The following LOXL2 variants were observed in gnomAD, a reference collection of about 807,000 sequenced individuals.
LOXL2 encodes lysyl oxidase like 2.
In LOXL2, 70 loss-of-function variants were observed where a neutral mutation model predicts 93.0. That is an observed-to-expected ratio of 0.75 (90% confidence interval 0.62 to 0.92). LOXL2 has a LOEUF of 0.92. Among genes scored for constraint, LOXL2 ranks in the 40% least tolerant of loss-of-function variants. The pLI is 0.00. For missense variants in LOXL2, 973 were observed against 1,054.9 expected (o/e 0.92, Z 1.08); for synonymous variants, 438 against 413.2 (o/e 1.06, Z -0.73).
At chr8:23,371,472 G>C (rs1585375479) in intron 1 of LOXL2, among the ~76,000 whole-genome samples, 2 of 152,122 alleles carry the variant, frequency 1.3e-5, no homozygotes, top group East Asian at 3.9e-4. Context: ...ATGGCAACTG[G>C]CTGGGTGCAG....
rs148370346 is a variant in LOXL2, at chr8:23,398,141, G to T, written c.-84+5813C>A. ...GTGGTATATCAGGACAAGCCTGGGG[G>T]CAAAAGAAGTTCATGGATCCAAGTT... is the stretch of plus-strand genomic sequence containing the variant. On this transcript the variant is annotated intron_variant, in intron 1 of 13. Coordinates refer to ENST00000389131, the MANE Select transcript of LOXL2 (RefSeq NM_002318.3). 2.8e-3 allele frequency among the ~76,000 whole-genome samples: 421 copies of T among 152,210 alleles called. 2 individuals are homozygous for T. The highest frequency in any genetic ancestry group is 9.3e-3 in the African/African-American group (388 of 41,532).
chr8:23,380,981 CCAAA>C (rs2117225897), intron 1 of LOXL2, among the ~76,000 whole-genome samples: 2 of 152,154 alleles, frequency 1.3e-5, no homozygotes, highest in East Asian at 3.9e-4. Context: ...ATACTGTACT[CCAAA>C]CAGAGAGAGA....
chr8:23,341,355 G>A (rs937585378), intron 3 of LOXL2, 152 bp from the exon 4 acceptor site: 13 of 661,724 alleles, frequency 2.0e-5, no homozygotes, highest in African/African-American at 1.1e-4. Context: ...GGGCAACCCC[G>A]AGGGGCACAC....
In LOXL2 at chr8:23,333,614, G is replaced by A; in HGVS notation, c.753C>T (p.Ala251=). The change falls in exon 5 of 14, where the codon GCC becomes GCT. Residue 251 remains alanine, a synonymous_variant. Transcript: ENST00000389131. ...TYNTKVYKMF[A]SRRKQRYWPF... ...GCCAGTAGCGCTGCTTCCTCCGTGA[G>A]GCAAACATTCTGCAGACGATGGGAG... is the stretch of plus-strand genomic sequence containing the variant. 1 of 1,612,782 alleles carries A rather than the reference G, an allele frequency of 6.2e-7. No homozygotes were observed.
intron 8 of LOXL2, among the ~76,000 whole-genome samples, 173 bp from the exon 9 acceptor site, chr8:23,317,287 G>A (rs893330013): frequency 2.6e-5 from 4 of 152,230 alleles, no homozygotes; most frequent in Admixed American, 6.5e-5. Context: ...GTGGCAGAGT[G>A]AGTGGGAATC....
At chr8:23,396,423 G>A (rs1430276873) in intron 1 of LOXL2, among the ~76,000 whole-genome samples, 2 of 152,234 alleles carry the variant, frequency 1.3e-5, no homozygotes, top group South Asian at 4.1e-4. Context: ...GGCAGGATAC[G>A]GCCAAAGAAT....
At chr8:23,343,005 C>T (rs754639028) in intron 3 of LOXL2, among the ~76,000 whole-genome samples, 52 of 152,200 alleles carry the variant, frequency 3.4e-4, no homozygotes, top group Non-Finnish European at 6.5e-4. Context: ...CCCACCTCAG[C>T]CTCCCAAAGT....
At chr8:23,373,647 A>C (rs1454496928) in intron 1 of LOXL2, among the ~76,000 whole-genome samples, 3 of 152,202 alleles carry the variant, frequency 2.0e-5, no homozygotes, top group Non-Finnish European at 4.4e-5. Context: ...ACTGTTCTCA[A>C]CGCTCTAGTG....
chr8:23,319,790 C>CT, intron 8 of LOXL2, 95 bp downstream of exon 8: 6 of 1,372,238 alleles, frequency 4.4e-6, no homozygotes, highest in Non-Finnish European at 6.0e-6. Context: ...GCCTGCACGG[C>CT]TAGGGAGGGT....
chr8:23,297,188 A>ATCTT lies in LOXL2; in HGVS notation c.*851_*854dup, dbSNP rs1036410781. On this transcript the variant is annotated 3_prime_UTR_variant, in exon 14 of 14. Coordinates refer to ENST00000389131, the MANE Select transcript of LOXL2 (RefSeq NM_002318.3). ...AAGGAAACACAGACACGTTTCATAAATCTTTCTTTTATTCCAAGTTTCAAG... is the reference window on the plus strand; with the variant it reads ...AAGGAAACACAGACACGTTTCATAAATCTTTCTTTCTTTTATTCCAAGTTTCAAG... 1 of 152,206 alleles carries ATCTT rather than the reference A, an allele frequency of 6.6e-6. No homozygotes were observed. Among genetic ancestry groups the ATCTT allele is most frequent in the African/African-American group, 2.4e-5 (1 of 41,450 alleles). The allele number at this position is 152,206 out of a possible 1,614,324, so 9.4% of individuals were successfully genotyped here.
chr8:23,302,583 T>C (rs1403141047), intron 11 of LOXL2, among the ~76,000 whole-genome samples: 1 of 152,222 alleles, frequency 6.6e-6, no homozygotes, highest in Admixed American at 6.5e-5. Context: ...TTACATGTTA[T>C]CTGCACATGG....
intron 1 of LOXL2, among the ~76,000 whole-genome samples, chr8:23,375,781 C>T (rs138678943): frequency 0.3 from 45,818 of 151,866 alleles, 7,921 homozygotes; most frequent in African/African-American, 0.48. Flanking sequence ...TATTTGCACA[C>T]TGATTTTGTA....
chr8:23,317,851 G>A (rs1803426925), intron 8 of LOXL2, among the ~76,000 whole-genome samples: 1 of 152,118 alleles, frequency 6.6e-6, no homozygotes, highest in African/African-American at 2.4e-5. Flanking sequence ...CAGGTGCTGT[G>A]TTCCTCAGGT....
intron 1 of LOXL2, among the ~76,000 whole-genome samples, chr8:23,391,578 T>C (rs1804844133): frequency 6.6e-6 from 1 of 152,118 alleles, no homozygotes; most frequent in Non-Finnish European, 1.5e-5. Flanking sequence ...TAATAATCTA[T>C]GGCCAAATCG....
Position 23,298,053 on chromosome 8 carries a change from G to A in LOXL2, c.2315C>T (p.Ser772Phe), listed in dbSNP as rs146999513. The A allele has an allele frequency of 6.2e-7, 1 of 1,613,746 alleles. No individual in the cohort carries two copies. The highest frequency in any genetic ancestry group is 1.7e-5 in the Admixed American group (1 of 60,008). The change falls in exon 14 of 14, where the codon TCC becomes TTC. Residue 772 changes from serine (S) to phenylalanine (F), a missense_variant. Coordinates refer to ENST00000389131, the MANE Select transcript of LOXL2 (RefSeq NM_002318.3). ...HFSGLLNNQL[S>F]PQ is the part of the protein sequence containing the mutation. ...ACCACGCAGGCTTCTTTACTGCGGG[G>A]ACAGCTGGTTGTTTAAGAGCCCGCT...
chr8:23,372,094 A>T (rs2117217452), intron 1 of LOXL2, among the ~76,000 whole-genome samples: 1 of 152,314 alleles, frequency 6.6e-6, no homozygotes, highest in Admixed American at 6.5e-5. Context: ...AAATAGAAAA[A>T]ATATTAGATG....
In LOXL2 at chr8:23,368,140, C is replaced by T. The variant is rs140179433; in HGVS notation, c.212G>A (p.Arg71Gln). The change falls in exon 2 of 14, where the codon CGG (arginine) becomes CAG (glutamine). Residue 71 changes from arginine to glutamine, a missense_variant. Transcript: ENST00000389131. ...AGQKRKHSEGRVEVYYDGQWG... is the reference protein window; with the variant it reads ...AGQKRKHSEGQVEVYYDGQWG... ...CTGGCCATCATAGTACACCTCCACCCGGCCCTCGCTGTGCTTCCTCTTCTG... is the reference window on the plus strand; with the variant it reads ...CTGGCCATCATAGTACACCTCCACCTGGCCCTCGCTGTGCTTCCTCTTCTG... 42 of 1,614,118 alleles carry T rather than the reference C, an allele frequency of 2.6e-5. No individual in the cohort carries two copies. The highest frequency in any genetic ancestry group is 2.2e-4 in the East Asian group (10 of 44,878).
intron 8 of LOXL2, among the ~76,000 whole-genome samples, chr8:23,318,758 A>C (rs932406487): frequency 1.3e-5 from 2 of 152,220 alleles, no homozygotes; most frequent in Admixed American, 6.5e-5. Flanking sequence ...TGTCATAAAC[A>C]ATATTAGCAG....
chr8:23,298,271 C>T (rs959178590), intron 13 of LOXL2, 149 bp from the exon 14 acceptor site: 26 of 625,292 alleles, frequency 4.2e-5, no homozygotes, highest in Admixed American at 1.1e-4. Flanking sequence ...CTGGCCATCT[C>T]TAGGGCTGGG....
Sources: allele counts gnomAD v4.1 joint callset (sites outside exome capture counted in the v4.1 genomes callset), GRCh38; gene constraint gnomAD v4.1.1; transcripts MANE v1.5; gene names NCBI Gene and HGNC (gene_info 2026-07-23, HGNC 2026-07-21).